The following AKAP13 variants were observed in gnomAD, a reference collection of about 807,000 sequenced individuals.
AKAP13 encodes the protein A-kinase anchoring protein 13, also known as A-kinase anchor protein 13.
Under a neutral mutation model 264.5 loss-of-function variants are expected in AKAP13, and 80 were observed. That is an observed-to-expected ratio of 0.30 (90% confidence interval 0.25 to 0.36). The LOEUF (loss-of-function observed/expected upper bound fraction) is 0.36. AKAP13 is among the 10% of genes least tolerant of loss of function. AKAP13 has a pLI of 1.00. For missense variants in AKAP13, 3,712 were observed against 3,435.2 expected (o/e 1.08, Z -2.01); for synonymous variants, 1,380 against 1,250.2 (o/e 1.10, Z -2.19).
chr15:85,741,303 C>T lies in AKAP13; in HGVS notation c.7866C>T (p.Arg2622=), dbSNP rs749918180. The T allele has an allele frequency of 9.3e-6, 15 of 1,611,890 alleles. No homozygotes were observed. In the East Asian group the frequency reaches 1.1e-4, roughly 12 times the overall value. The stretch of plus-strand genomic sequence containing the variant: ...AGCGGGAGGCCCTCCTGGCCCAGCG[C>T]GAGGAGGAGGTGCAGCAGGGGCAGC... ...LREREALLAQ[R]EEEVQQGQQD... is the part of the protein sequence containing the mutation. The change falls in exon 35 of 37, where the codon CGC becomes CGT. Residue 2622 remains arginine, a synonymous_variant. Coordinates refer to ENST00000394518, the MANE Select transcript of AKAP13 (RefSeq NM_007200.5).
intron 8 of AKAP13, chr15:85,620,235 G>T (rs1484091418): frequency 8.8e-6 from 13 of 1,469,014 alleles, no homozygotes; most frequent in Non-Finnish European, 9.2e-7. Context: ...CTTTGAACCC[G>T]GTAGCCATGT....
intron 10 of AKAP13, among the ~76,000 whole-genome samples, chr15:85,647,716 C>T (rs1177054812): frequency 1.1e-4 from 17 of 152,068 alleles, no homozygotes; most frequent in Admixed American, 5.2e-4. Context: ...GAGGCTGAGG[C>T]GGGCTGATCA....
intron 1 of AKAP13, among the ~76,000 whole-genome samples, chr15:85,462,892 C>T (rs981710216): frequency 4.0e-5 from 6 of 149,620 alleles, no homozygotes; most frequent in Admixed American, 1.3e-4. Flanking sequence ...GGCGTAGTGG[C>T]GGGCACCTGT....
intron 8 of AKAP13, among the ~76,000 whole-genome samples, chr15:85,634,724 A>C (rs1179742746): frequency 2.0e-5 from 3 of 152,094 alleles, no homozygotes; most frequent in Admixed American, 2.0e-4. Flanking sequence ...GTCTCCCTGT[A>C]GTCAGTCTTC....
chr15:85,485,038 A>T (rs192563437), intron 1 of AKAP13, among the ~76,000 whole-genome samples: 52 of 152,362 alleles, frequency 3.4e-4, no homozygotes, highest in African/African-American at 1.2e-3. Flanking sequence ...TATAGCCTAG[A>T]TGAAGTCCTG....
intron 8 of AKAP13, among the ~76,000 whole-genome samples, chr15:85,588,690 G>A (rs2079458786): frequency 6.6e-6 from 1 of 152,164 alleles, no homozygotes; most frequent in South Asian, 2.1e-4. Flanking sequence ...AGAGTTGAGA[G>A]AGTGAATATT....
chr15:85,621,974 C>T (rs1251569989), intron 8 of AKAP13, among the ~76,000 whole-genome samples: 1 of 152,150 alleles, frequency 6.6e-6, no homozygotes, highest in Non-Finnish European at 1.5e-5. Context: ...AGTAAATAAA[C>T]ACTAGGAGTC....
intron 14 of AKAP13, among the ~76,000 whole-genome samples, chr15:85,673,666 CTTTTTTTT>C (rs386383664): frequency 1.2e-4 from 9 of 77,560 alleles, no homozygotes; most frequent in East Asian, 4.7e-4. Flanking sequence ...TTCTTTCTTT[CTTTTTTTT>C]TTTTTTTTTT....
At chr15:85,401,495 A>G (rs1349378578) in intron 1 of AKAP13, among the ~76,000 whole-genome samples, 3 of 152,274 alleles carry the variant, frequency 2.0e-5, no homozygotes, top group Middle Eastern at 3.4e-3. Context: ...CAACAGCATT[A>G]TTTGGGCTTA....
At position 85,579,646 on chromosome 15, in the gene AKAP13, G is replaced by A. The variant is rs944267598; in HGVS notation, c.1578G>A (p.Lys526=). The change falls in exon 7 of 37, where the codon AAG becomes AAA. Residue 526 remains lysine, a synonymous_variant. Coordinates refer to ENST00000394518, the MANE Select transcript of AKAP13 (RefSeq NM_007200.5). ...AGASDVHVTS[K]PVDKISVPNC... is the part of the protein sequence containing the mutation. ...CCTCTGACGTGCACGTCACAAGTAA[G>A]CCTGTGGATAAAATCAGTGTTCCAA... 2.5e-6 allele frequency: 4 copies of A among 1,614,198 alleles called. No individual in the cohort carries two copies. The highest frequency in any genetic ancestry group is 3.4e-6 in the Non-Finnish European group (4 of 1,180,034).
intron 12 of AKAP13, among the ~76,000 whole-genome samples, chr15:85,661,719 C>G (rs1265869739): frequency 2.6e-5 from 4 of 151,946 alleles, no homozygotes; most frequent in Non-Finnish European, 4.4e-5. Flanking sequence ...GAAACTCCGT[C>G]TTGGGGGGTA....
rs923728153 is a variant in AKAP13 at position 85,748,660 on chromosome 15, G to A, written c.*3983G>A. On this transcript the variant is annotated 3_prime_UTR_variant, in exon 37 of 37. Transcript: ENST00000394518. Reference sequence around the variant, plus strand: ...TGCCATAAAAGGGAGGCGGGGGGGAGGAAGGGAAAATAAAGGCATCTTTCC... The same window carrying A: ...TGCCATAAAAGGGAGGCGGGGGGGAAGAAGGGAAAATAAAGGCATCTTTCC... The A allele has an allele frequency of 6.6e-6, 1 of 152,044 alleles. No individual in the cohort carries two copies. The highest frequency in any genetic ancestry group is 2.4e-5 in the African/African-American group (1 of 41,368). The allele number at this position is 152,044 out of a possible 1,614,324, so 9.4% of individuals were successfully genotyped here.
intron 1 of AKAP13, among the ~76,000 whole-genome samples, chr15:85,470,340 G>T (rs1162632430): frequency 1.3e-5 from 2 of 152,066 alleles, no homozygotes; most frequent in African/African-American, 4.8e-5. Context: ...GCATTCCCAA[G>T]AGTCCATAGT....
chr15:85,423,654 T>A (rs2072632920), intron 1 of AKAP13, among the ~76,000 whole-genome samples: 1 of 152,270 alleles, frequency 6.6e-6, no homozygotes, highest in Non-Finnish European at 1.5e-5. Context: ...CTCCTGTTAA[T>A]GTTGATATTT....
intron 14 of AKAP13, among the ~76,000 whole-genome samples, chr15:85,671,667 G>T (rs1479240487): frequency 1.3e-5 from 2 of 150,288 alleles, no homozygotes; most frequent in African/African-American, 4.9e-5. Flanking sequence ...TTGGCTTTGA[G>T]TTAGATGTTT....
intron 16 of AKAP13, among the ~76,000 whole-genome samples, chr15:85,686,458 C>T (rs1055202907): frequency 2.6e-5 from 4 of 152,098 alleles, no homozygotes; most frequent in South Asian, 2.1e-4. Context: ...TTCCACCAAA[C>T]GTGCCACAAG....
chr15:85,572,615 A>G (rs755826399), intron 5 of AKAP13, among the ~76,000 whole-genome samples: 2 of 152,200 alleles, frequency 1.3e-5, no homozygotes, highest in Non-Finnish European at 2.9e-5. Flanking sequence ...ACCGTCAGCC[A>G]GTACATGATT....
intron 4 of AKAP13, chr15:85,535,800 T>G (rs2077371500): frequency 1.1e-5 from 1 of 94,206 alleles, no homozygotes; most frequent in African/African-American, 6.9e-5. Flanking sequence ...TTTCTCTCTC[T>G]TTTTTTTTTT....
chr15:85,390,779 G>A (rs1402563414), intron 1 of AKAP13, among the ~76,000 whole-genome samples: 1 of 152,208 alleles, frequency 6.6e-6, no homozygotes, highest in Non-Finnish European at 1.5e-5. Flanking sequence ...TTGGAAAAAG[G>A]TTCTAAAGGA....
Sources: allele counts gnomAD v4.1 joint callset (sites outside exome capture counted in the v4.1 genomes callset), GRCh38; gene constraint gnomAD v4.1.1; transcripts MANE v1.5; gene names NCBI Gene and HGNC (gene_info 2026-07-23, HGNC 2026-07-21).